Variants in HSPA14 observed in about 807,000 individuals in gnomAD.
The protein encoded by HSPA14 is heat shock 70 kDa protein 14.
In HSPA14, 37 loss-of-function variants were observed where a neutral mutation model predicts 65.5. The ratio of observed to expected loss-of-function variants is 0.56; its 90% CI spans 0.43 to 0.74. The LOEUF (loss-of-function observed/expected upper bound fraction) is 0.74. Among genes scored for constraint, HSPA14 ranks in the 30% least tolerant of loss-of-function variants. The pLI is 0.00. For missense variants in HSPA14, 564 were observed against 607.6 expected (o/e 0.93, Z 0.75); for synonymous variants, 203 against 214.2 (o/e 0.95, Z 0.46).
intron 10 of HSPA14, among the ~76,000 whole-genome samples, chr10:14,862,524 G>A (rs925409672): frequency 3.3e-5 from 5 of 151,186 alleles, no homozygotes; most frequent in African/African-American, 4.9e-5. Flanking sequence ...ACAGGCGCCC[G>A]CCACCACGCC....
intron 3 of HSPA14, among the ~76,000 whole-genome samples, chr10:14,847,732 A>G (rs1834071901): frequency 6.6e-6 from 1 of 152,256 alleles, no homozygotes; most frequent in Admixed American, 6.5e-5. Flanking sequence ...AACAAATAGA[A>G]TAGTCACAGC....
intron 1 of HSPA14, among the ~76,000 whole-genome samples, chr10:14,839,075 G>C (rs899768636): frequency 1.3e-5 from 2 of 152,210 alleles, no homozygotes; most frequent in Non-Finnish European, 2.9e-5. Flanking sequence ...AAGCTGCCTG[G>C]CTGTGAAGCC....
At chr10:14,840,210 T>C in intron 3 of HSPA14, 53 bp downstream of exon 3, 3 of 913,760 alleles carry the variant, frequency 3.3e-6, no homozygotes, top group Non-Finnish European at 4.7e-6. Flanking sequence ...TGTTCATAAA[T>C]TCTAAGCATA....
At chr10:14,866,664 T>C (rs1208337340) in intron 10 of HSPA14, among the ~76,000 whole-genome samples, 1 of 152,138 alleles carries the variant, frequency 6.6e-6, no homozygotes, top group Non-Finnish European at 1.5e-5. Flanking sequence ...GGCATAGTTT[T>C]CACTAAGAGA....
chr10:14,843,546 C>T (rs1467079812), intron 3 of HSPA14: 2 of 1,550,684 alleles, frequency 1.3e-6, no homozygotes, highest in Non-Finnish European at 1.7e-6. Flanking sequence ...CTCCAGTCTC[C>T]TCTTCGAGAG....
Position 14,842,552 on chromosome 10 carries a change from T to C in HSPA14, c.221+2395T>C. 6.5e-7 allele frequency: 1 copy of C among 1,536,176 alleles called. No individual in the cohort carries two copies. Among genetic ancestry groups the C allele is most frequent in the Non-Finnish European group, 8.7e-7 (1 of 1,146,912 alleles). On this transcript the variant is annotated intron_variant, in intron 3 of 13. Coordinates refer to ENST00000378372, the MANE Select transcript of HSPA14 (RefSeq NM_016299.4). The surrounding 1 kb of genome is among the most constrained non-coding windows in gnomAD (Gnocchi z 5.2). ...CACAAGTATGGGTGAGCCACCACAC[T>C]GTCCATTTTATGATACGTTGGATCA...
intron 12 of HSPA14, among the ~76,000 whole-genome samples, chr10:14,868,771 C>T (rs1042554191): frequency 1.3e-5 from 2 of 152,224 alleles, no homozygotes; most frequent in African/African-American, 4.8e-5. Context: ...TTTTTACAAA[C>T]AGCACAGGAC....
intron 10 of HSPA14, among the ~76,000 whole-genome samples, chr10:14,863,317 G>A (rs1564325897): frequency 6.6e-6 from 1 of 152,090 alleles, no homozygotes; most frequent in East Asian, 1.9e-4. Context: ...CACTGAAAAG[G>A]GGAGCAGTCC....
rs137871410 is a variant in HSPA14, at chr10:14,843,051, C to T, written c.221+2894C>T. Among the ~76,000 whole-genome samples the T allele has an allele frequency of 6.8e-3, 1,030 of 152,284 alleles. 11 individuals are homozygous for T. Among genetic ancestry groups the T allele is most frequent in the African/African-American group, 0.022 (901 of 41,556 alleles). ...CCCCTGGCAACATAAGGTATTAGAA[C>T]CCTTTAAACCTAGAAGTGCTCTCTA... On this transcript the variant is annotated intron_variant, in intron 3 of 13. Coordinates refer to ENST00000378372, the MANE Select transcript of HSPA14 (RefSeq NM_016299.4).
At chr10:14,860,330 G>A (rs1042709558) in intron 10 of HSPA14, among the ~76,000 whole-genome samples, 2 of 152,192 alleles carry the variant, frequency 1.3e-5, no homozygotes, top group African/African-American at 2.4e-5. Flanking sequence ...GGATACAGTA[G>A]TAGCTATGGC....
At chr10:14,849,858 A>G in intron 6 of HSPA14, 47 bp downstream of exon 6, 1 of 1,106,556 alleles carries the variant, frequency 9.0e-7, no homozygotes, top group Non-Finnish European at 1.4e-6. Flanking sequence ...AGGAAGTACA[A>G]AGTCACTATA....
intron 5 of HSPA14, 57 bp downstream of exon 5, chr10:14,848,952 TA>T (rs1231183963): frequency 8.7e-4 from 820 of 941,576 alleles, no homozygotes; most frequent in South Asian, 1.1e-3. Context: ...AAGTTGACCT[TA>T]AAAAAAAAGT....
intron 7 of HSPA14, among the ~76,000 whole-genome samples, chr10:14,851,608 C>T (rs766539681): frequency 6.6e-6 from 1 of 152,230 alleles, no homozygotes; most frequent in Middle Eastern, 3.4e-3. Context: ...ACTCAAGCTA[C>T]GACACTGCTG....
intron 5 of HSPA14, 48 bp from the exon 6 acceptor site, chr10:14,849,673 C>A: frequency 7.5e-7 from 1 of 1,338,826 alleles, no homozygotes; most frequent in Non-Finnish European, 1.1e-6. Context: ...GAAAGTATCA[C>A]TTGTCATTTT....
Position 14,867,829 on chromosome 10 carries a change from G to A in HSPA14, c.1300G>A (p.Gly434Arg), listed in dbSNP as rs759009106. Residue 434 changes from glycine (G) to arginine (R), a missense_variant, in exon 12 of 14, where the codon GGA (glycine) becomes AGA (arginine). Coordinates refer to ENST00000378372, the MANE Select transcript of HSPA14 (RefSeq NM_016299.4). ...AAGACAACACACATTGCAAGCCCCT[G>A]GAAGCATATCTTCAGTGTGCCTTGA... ...ARRQHTLQAPGSISSVCLELY... is the reference protein window; with the variant it reads ...ARRQHTLQAPRSISSVCLELY... 6.2e-6 allele frequency: 10 copies of A among 1,613,978 alleles called. No individual in the cohort carries two copies. The Admixed American group carries it at 1.7e-4, about 27-fold the overall frequency.
chr10:14,846,087 C>T (rs1588808884), intron 3 of HSPA14: 2 of 982,300 alleles, frequency 2.0e-6, no homozygotes, highest in Non-Finnish European at 2.4e-6. Context: ...TTAATATGCT[C>T]ATGAACTTCT....
chr10:14,867,213 C>A lies in HSPA14; in HGVS notation c.1124C>A (p.Ala375Glu). The A allele has an allele frequency of 1.2e-6, 2 of 1,613,526 alleles. No homozygotes were observed. The highest frequency in any genetic ancestry group is 1.7e-6 in the Non-Finnish European group (2 of 1,179,556). ...EVIPIGAAIE[A>E]GILIGKENLL... ...ATCCCTATTGGTGCAGCTATAGAAGCAGGAATTCTTATTGGGAAAGAAAAC... is the reference window on the plus strand; with the variant it reads ...ATCCCTATTGGTGCAGCTATAGAAGAAGGAATTCTTATTGGGAAAGAAAAC... Residue 375 changes from alanine to glutamate, a missense_variant, in exon 11 of 14, where the codon GCA (alanine) becomes GAA (glutamate). By Grantham distance (107) the Ala-to-Glu change is moderately radical. Transcript: ENST00000378372.
chr10:14,842,308 G>A lies in HSPA14; in HGVS notation c.221+2151G>A, dbSNP rs990325957. 1.6e-5 allele frequency: 25 copies of A among 1,535,870 alleles called. 1 individual carries two copies. The highest frequency in any genetic ancestry group is 1.3e-4 in the South Asian group (11 of 84,046). On this transcript the variant is annotated intron_variant, in intron 3 of 13. Coordinates refer to ENST00000378372, the MANE Select transcript of HSPA14 (RefSeq NM_016299.4). The surrounding 1 kb of genome is among the most constrained non-coding windows in gnomAD (Gnocchi z 5.2). Reference sequence around the variant, plus strand: ...CAATGGCCAGTGCCAATAGCAGTGCGGGCATCCGGTGGTCCAGACAGGAGA... The same window carrying A: ...CAATGGCCAGTGCCAATAGCAGTGCAGGCATCCGGTGGTCCAGACAGGAGA...
At chr10:14,852,251 C>A in intron 7 of HSPA14, 119 bp from the exon 8 acceptor site, 1 of 783,660 alleles carries the variant, frequency 1.3e-6, no homozygotes, top group Non-Finnish European at 2.1e-6. Flanking sequence ...CTTAGTTATT[C>A]ACCTGAGATT....
Sources: gnomAD v4.1 joint callset for allele counts (sites outside exome capture counted in the v4.1 genomes callset) on GRCh38, gnomAD v4.1.1 for gene constraint, Gnocchi (gnomAD v3.1) non-coding constraint, MANE v1.5 for transcripts, NCBI Gene and HGNC (gene_info 2026-07-23, HGNC 2026-07-21) for gene names.